Variants in ZNF257 observed in about 807,000 individuals in gnomAD.
The protein encoded by ZNF257 is bone marrow zinc finger 4.
In ZNF257, 12 loss-of-function variants were observed where a neutral mutation model predicts 11.9. The observed-to-expected ratio is 1.01, with a 90% CI of 0.65 to 1.63. The LOEUF (loss-of-function observed/expected upper bound fraction) is 1.63. Ranked by LOEUF, ZNF257 falls within the 40% of genes most tolerant of loss-of-function variation. ZNF257 has a pLI of 0.00. For missense variants in ZNF257, 580 were observed against 665.5 expected (o/e 0.87, Z 1.41); for synonymous variants, 183 against 222.7 (o/e 0.82, Z 1.59).
chr19:22,059,309 C>T (rs1028811354), intron 1 of ZNF257, among the ~76,000 whole-genome samples: 4 of 152,176 alleles, frequency 2.6e-5, no homozygotes, highest in African/African-American at 9.7e-5. Flanking sequence ...CATCATCCAC[C>T]ATCAACTTGC....
chr19:22,052,775 C>T (rs408312), intron 1 of ZNF257, 140 bp downstream of exon 1: 547,252 of 1,011,348 alleles, frequency 0.54, 151,115 homozygotes, highest in Admixed American at 0.63. Context: ...AGCTCGGCCT[C>T]GGTCCCCCTC....
chr19:22,084,346 A>C (rs2022426187), intron 3 of ZNF257, among the ~76,000 whole-genome samples: 1 of 152,022 alleles, frequency 6.6e-6, no homozygotes, highest in South Asian at 2.1e-4. Context: ...TGATTTGTCT[A>C]GTTTTCAGCT....
chr19:22,087,364 G>A lies in ZNF257; in HGVS notation c.227-613G>A, dbSNP rs2022498761. ...TCTTAGAGTGTGTCTGATCTGAAAT[G>A]TTTTATTTTCTAGTTTAAAAAGTTT... On this transcript the variant is annotated intron_variant, in intron 3 of 3. Transcript: ENST00000594947. Among the ~76,000 whole-genome samples, 2 of 151,984 alleles carry A rather than the reference G, an allele frequency of 1.3e-5. 1 individual carries two copies. Among genetic ancestry groups the A allele is most frequent in the African/African-American group, 4.8e-5 (2 of 41,376 alleles).
chr19:22,055,454 C>T (rs567678132), intron 1 of ZNF257, among the ~76,000 whole-genome samples: 1 of 152,236 alleles, frequency 6.6e-6, no homozygotes, highest in Admixed American at 6.5e-5. Context: ...GATCCACTCA[C>T]CTCGGACTCC....
In ZNF257 at chr19:22,052,644, G is replaced by A. The variant is rs776577310; in HGVS notation, c.3+9G>A. The A allele has an allele frequency of 6.2e-7, 1 of 1,606,896 alleles. No homozygotes were observed. Among genetic ancestry groups the A allele is most frequent in the Admixed American group, 1.7e-5 (1 of 59,750 alleles). Reference sequence around the variant, plus strand: ...CTGGAAGCCTAGAAATGGTGAGAGTGCTGGGTCCGACATCCTGGGAGAGGG... The same window carrying A: ...CTGGAAGCCTAGAAATGGTGAGAGTACTGGGTCCGACATCCTGGGAGAGGG... On this transcript the variant is annotated intron_variant, in intron 1 of 3. Transcript: ENST00000594947.
At chr19:22,061,304 TG>T (rs1343660756) in intron 1 of ZNF257, among the ~76,000 whole-genome samples, 1 of 152,192 alleles carries the variant, frequency 6.6e-6, no homozygotes, top group Non-Finnish European at 1.5e-5. Context: ...ATTTAAGCAA[TG>T]TTTTTTTGTT....
intron 1 of ZNF257, among the ~76,000 whole-genome samples, chr19:22,057,728 G>A (rs1429136981): frequency 6.6e-6 from 1 of 152,170 alleles, no homozygotes; most frequent in Non-Finnish European, 1.5e-5. Flanking sequence ...AAAAGAAAGT[G>A]TGAGGGAAAT....
chr19:22,080,789 A>G (rs1030742837), intron 3 of ZNF257, among the ~76,000 whole-genome samples: 2 of 151,400 alleles, frequency 1.3e-5, no homozygotes, highest in Non-Finnish European at 2.9e-5. Flanking sequence ...TTTGCTTTAT[A>G]TATTTTGGAG....
rs141543721 is a variant in ZNF257, at chr19:22,063,366, A to C, written c.4-9443A>C. Among the ~76,000 whole-genome samples the C allele has an allele frequency of 2.5e-3, 373 of 151,988 alleles. 2 individuals are homozygous for C. Among genetic ancestry groups the C allele is most frequent in the African/African-American group, 8.2e-3 (338 of 41,456 alleles). ...CATGTCTAAGTCTCCTTCAGTTCAGAGCTGCTTTTGGTTATTTTTTGCATT... is the reference window on the plus strand; with the variant it reads ...CATGTCTAAGTCTCCTTCAGTTCAGCGCTGCTTTTGGTTATTTTTTGCATT... On this transcript the variant is annotated intron_variant, in intron 1 of 3. Transcript: ENST00000594947.
At chr19:22,067,160 T>C (rs1156531774) in intron 1 of ZNF257, among the ~76,000 whole-genome samples, 1 of 152,156 alleles carries the variant, frequency 6.6e-6, no homozygotes, top group Non-Finnish European at 1.5e-5. Flanking sequence ...TTGGTATCTA[T>C]AGGCCACTAC....
chr19:22,067,490 G>A (rs575611684), intron 1 of ZNF257, among the ~76,000 whole-genome samples: 7 of 151,848 alleles, frequency 4.6e-5, no homozygotes, highest in East Asian at 3.9e-4. Context: ...AAAAAAAAAC[G>A]TTTATCTGAG....
At chr19:22,060,411 A>AT (rs1224306197) in intron 1 of ZNF257, 1 of 150,718 alleles carries the variant, frequency 6.6e-6, no homozygotes, top group Non-Finnish European at 1.5e-5. Context: ...AGTGATGAGC[A>AT]TTTTTTTATA....
intron 1 of ZNF257, among the ~76,000 whole-genome samples, chr19:22,054,002 C>T (rs773851084): frequency 2.6e-5 from 4 of 152,014 alleles, no homozygotes; most frequent in Non-Finnish European, 5.9e-5. Context: ...ACTAGAGCCA[C>T]CTCAGTCTAG....
chr19:22,067,059 T>C (rs1462310678), intron 1 of ZNF257, among the ~76,000 whole-genome samples: 3 of 152,138 alleles, frequency 2.0e-5, no homozygotes, highest in Non-Finnish European at 2.9e-5. Flanking sequence ...TAGAGGGGAC[T>C]TTCCCTCTCA....
intron 1 of ZNF257, among the ~76,000 whole-genome samples, chr19:22,056,986 G>T (rs1252993009): frequency 2.0e-5 from 3 of 152,114 alleles, no homozygotes; most frequent in African/African-American, 4.8e-5. Flanking sequence ...TTCTTTTTTT[G>T]CAGGGAAAAC....
intron 1 of ZNF257, among the ~76,000 whole-genome samples, chr19:22,053,171 C>T (rs1361401519): frequency 6.6e-6 from 1 of 151,604 alleles, no homozygotes; most frequent in Non-Finnish European, 1.5e-5. Context: ...GAGATTGAGA[C>T]CATTCTGGCC....
chr19:22,089,782 T>C lies in ZNF257; in HGVS notation c.*340T>C. 3.1e-6 allele frequency: 1 copy of C among 323,278 alleles called. No homozygotes were observed. The highest frequency in any genetic ancestry group is 7.6e-5 in the East Asian group (1 of 13,104). 20.0% of individuals were successfully genotyped at this position (323,278 alleles called of 1,614,324 possible). A position where few individuals can be genotyped will look rare whatever the true frequency, so the allele number is the denominator to read the frequency against. The stretch of plus-strand genomic sequence containing the variant: ...CATAATTTATACTGGACAGAAATCC[T>C]AAAGTGTGAAGAATGTCACAAAGCC... On this transcript the variant is annotated 3_prime_UTR_variant, in exon 4 of 4. Coordinates refer to ENST00000594947, the MANE Select transcript of ZNF257 (RefSeq NM_033468.4).
intron 3 of ZNF257, among the ~76,000 whole-genome samples, chr19:22,078,673 T>G (rs2022287521): frequency 2.6e-5 from 4 of 152,146 alleles, no homozygotes; most frequent in Admixed American, 2.6e-4. Context: ...TTCTTCTATA[T>G]TTCTAAAAAA....
intron 3 of ZNF257, among the ~76,000 whole-genome samples, chr19:22,083,308 G>C (rs937322132): frequency 2.6e-5 from 4 of 151,750 alleles, no homozygotes; most frequent in African/African-American, 9.7e-5. Context: ...CGTCTCTACT[G>C]AAAATACAAA....
Sources: allele counts gnomAD v4.1 joint callset (sites outside exome capture counted in the v4.1 genomes callset), GRCh38; gene constraint gnomAD v4.1.1; transcripts MANE v1.5; gene names NCBI Gene and HGNC (gene_info 2026-07-23, HGNC 2026-07-21).